The following PLXNA3 variants were observed in gnomAD, a reference collection of about 807,000 sequenced individuals.
PLXNA3 encodes the protein plexin A3.
PLXNA3 carries 52 observed loss-of-function variants against 118.8 expected under a neutral mutation model. That is an observed-to-expected ratio of 0.44 (90% CI 0.35 to 0.55). PLXNA3 has a LOEUF of 0.55. PLXNA3 is among the 20% of genes least tolerant of loss of function. The pLI is 0.01. For synonymous variants in PLXNA3, 925 were observed against 762.4 expected, an observed-to-expected ratio of 1.21 and a Z score of -3.51; for missense variants, 1,660 against 1,730.8, an observed-to-expected ratio of 0.96 and a Z score of 0.73.
In PLXNA3 at chrX:154,465,750, A is replaced by G; in HGVS notation, c.2435A>G (p.His812Arg). Residue 812 changes from histidine (H) to arginine (R), a missense_variant, in exon 13 of 33, where the codon CAC becomes CGC. This residue lies in a region of PLXNA3 where 869 missense variants were observed against 1,078.7 expected (regional missense o/e 0.81). Transcript: ENST00000369682. ...RFNCGWCISE[H>R]RCQLRTHCPA... ...AACTGTGGCTGGTGCATCTCAGAGC[A>G]CAGGTGCCAGCTGCGGACCCACTGC... is the stretch of plus-strand genomic sequence containing the variant. The G allele has an allele frequency of 8.3e-7, 1 of 1,210,304 alleles. No individual in the cohort carries two copies. The highest frequency in any genetic ancestry group is 1.1e-6 in the Non-Finnish European group (1 of 894,996).
chrX:154,472,296 G>A (rs1005876757), intron 32 of PLXNA3, among the ~76,000 whole-genome samples: 4 of 111,009 alleles, frequency 3.6e-5, no homozygotes, highest in East Asian at 5.6e-4. Context: ...GTCCTGGCGC[G>A]AGGGAGGCTT....
At position 154,466,041 on chromosome X, in the gene PLXNA3, G is replaced by A. The variant is rs782688882; in HGVS notation, c.2639G>A (p.Arg880His). The A allele has an allele frequency of 2.0e-5, 24 of 1,210,075 alleles. No individual in the cohort carries two copies. Among genetic ancestry groups the A allele is most frequent in the South Asian group, 5.3e-5 (3 of 56,750 alleles). The change falls in exon 14 of 33, where the codon CGT becomes CAT. Residue 880 changes from arginine to histidine, a missense_variant. This residue lies in a region of PLXNA3 where 869 missense variants were observed against 1,078.7 expected (regional missense o/e 0.81). Transcript: ENST00000369682. ...GTGGGCCTGCGGGTGGCTGGCGTGC[G>A]TTGCAACTCCATTCCGGCCGAGTAC... ...REVGLRVAGV[R>H]CNSIPAEYIS...
rs113493627 is a variant in PLXNA3 at position 154,463,703 on chromosome X, A to T, written c.1547+13A>T. On this transcript the variant is annotated intron_variant, in intron 6 of 32. Transcript: ENST00000369682. ...TGCTGCGACACAGGTGAGGGCGGGG[A>T]CCCCTGCTCGGGGAGTTGGAGGGCC... 1 of 1,183,662 alleles carries T rather than the reference A, an allele frequency of 8.4e-7. No individual in the cohort carries two copies. The highest frequency in any genetic ancestry group is 2.3e-5 in the Admixed American group (1 of 44,203).
At chrX:154,458,593 C>A (rs1557202524) in intron 1 of PLXNA3, among the ~76,000 whole-genome samples, 165 bp downstream of exon 1, 1 of 112,763 alleles carries the variant, frequency 8.9e-6, no homozygotes, top group Admixed American at 9.2e-5. Flanking sequence ...GGACGCCAAC[C>A]CAAGACCAAC....
rs1290499978 is a variant in PLXNA3, at chrX:154,464,292, C to G, written c.1807C>G (p.Arg603Gly). The change falls in exon 8 of 33, where the codon CGA becomes GGA. Residue 603 changes from arginine (R) to glycine (G), a missense_variant. Physicochemically the swap from Arg to Gly is moderately radical, Grantham distance 125 (BLOSUM62 -2). Transcript: ENST00000369682. ...CCCCTCACCCTCCCTCCAGGAGCTC[C>G]GAGCTCTTACCAGGGGGCATGGTCA... ...LCPSPSLQELRALTRGHGATR... is the reference protein window; with the variant it reads ...LCPSPSLQELGALTRGHGATR... 3.3e-6 allele frequency: 4 copies of G among 1,206,615 alleles called. No homozygotes were observed. The highest frequency in any genetic ancestry group is 3.4e-6 in the Non-Finnish European group (3 of 894,427).
At position 154,470,119 on chromosome X, in the gene PLXNA3, C is replaced by T. The variant is rs368800066; in HGVS notation, c.4938C>T (p.Gly1646=). The change falls in exon 29 of 33, where the codon GGC becomes GGT. Residue 1646 remains glycine, a synonymous_variant. Coordinates refer to ENST00000369682, the MANE Select transcript of PLXNA3 (RefSeq NM_017514.5). ...DHADHREGDR[G]SKMVSEIYLT... ...CCGACCATCGCGAGGGGGACCGTGG[C>T]AGCAAGATGGTCTCCGAGATCTACC... is the stretch of plus-strand genomic sequence containing the variant. 3 of 1,208,329 alleles carry T rather than the reference C, an allele frequency of 2.5e-6. No homozygotes were observed. Among genetic ancestry groups the T allele is most frequent in the Non-Finnish European group, 3.4e-6 (3 of 894,427 alleles).
chrX:154,460,949 G>C (rs1329609115), intron 2 of PLXNA3, 150 bp from the exon 3 acceptor site: 2 of 621,368 alleles, frequency 3.2e-6, no homozygotes, highest in Non-Finnish European at 4.9e-6. Flanking sequence ...CCTGTGTGCA[G>C]GGAGGCTGGT....
In PLXNA3 at chrX:154,464,068, G is replaced by C; in HGVS notation, c.1665G>C (p.Gly555=). ...ACAATGTGTCAGTGACGTCACCTGG[G>C]GTGCAGGTGAGCAGCTTGGGGGTGC... The part of the protein sequence containing the change: ...RPNNVSVTSP[G]VQLTVTLHNV... Residue 555 remains glycine (G), a synonymous_variant, in exon 7 of 33, where the codon GGG becomes GGC. Coordinates refer to ENST00000369682, the MANE Select transcript of PLXNA3 (RefSeq NM_017514.5). 9.1e-6 allele frequency: 11 copies of C among 1,210,868 alleles called. No individual in the cohort carries two copies. The highest frequency in any genetic ancestry group is 1.2e-5 in the Non-Finnish European group (11 of 894,951).
intron 32 of PLXNA3, 43 bp from the exon 33 acceptor site, chrX:154,472,547 C>T (rs1557209786): frequency 4.4e-6 from 4 of 915,634 alleles, no homozygotes; most frequent in Non-Finnish European, 6.4e-6. Context: ...GCAGGAGCTG[C>T]GCCCCCTACA....
Position 154,473,026 on chromosome X carries a change from T to C in PLXNA3, c.*341T>C. 5.9e-6 allele frequency: 1 copy of C among 169,654 alleles called. No homozygotes were observed. Among genetic ancestry groups the C allele is most frequent in the Non-Finnish European group, 1.2e-5 (1 of 86,757 alleles). The allele number at this position is 169,654 out of a possible 1,213,427, so 14.0% of individuals were successfully genotyped here. ...CGAACTTCGCCTCTGTCTCCATCTGTAAATATGTGTCCCCCCACCGGATGT... is the reference window on the plus strand; with the variant it reads ...CGAACTTCGCCTCTGTCTCCATCTGCAAATATGTGTCCCCCCACCGGATGT... On this transcript the variant is annotated 3_prime_UTR_variant, in exon 33 of 33. Coordinates refer to ENST00000369682, the MANE Select transcript of PLXNA3 (RefSeq NM_017514.5).
At position 154,468,167 on chromosome X, in the gene PLXNA3, C is replaced by G; in HGVS notation, c.3906C>G (p.Tyr1302Ter). The change falls in exon 22 of 33, where the codon TAC (tyrosine) becomes TAG (stop). Residue 1302 changes from tyrosine to a stop codon, truncating the protein, a stop_gained. Transcript: ENST00000369682. LOFTEE classifies it high-confidence loss of function. ...TCCCCTTCCTGGACTACCGGACTTA[C>G]GCCGTGCGCGTGCTCTTCCCGGGCA... The part of the protein sequence containing the change: ...VQIPFLDYRT[Y>*]AVRVLFPGIE... 1 of 1,189,024 alleles carries G rather than the reference C, an allele frequency of 8.4e-7. No individual in the cohort carries two copies. The highest frequency in any genetic ancestry group is 1.1e-6 in the Non-Finnish European group (1 of 883,122).
rs781800412 is a variant in PLXNA3, at chrX:154,467,813, C to T, written c.3632C>T (p.Ser1211Leu). The T allele has an allele frequency of 6.6e-6, 8 of 1,203,765 alleles. No individual in the cohort carries two copies. The East Asian group carries it at 2.4e-4, about 36-fold the overall frequency. Residue 1211 changes from serine (S) to leucine (L), a missense_variant, in exon 21 of 33, where the codon TCG becomes TTG. By Grantham distance (145) the Ser-to-Leu change is moderately radical. Transcript: ENST00000369682. ...TTCTGGCTGGGCACCCTGCACATCT[C>T]GGCAGAGCGGGCGCTGACCCTACCG... Reference protein sequence around the residue: ...LEFWLGTLHISAERALTLPAM... With the variant: ...LEFWLGTLHILAERALTLPAM...
rs1557204880 is a variant in PLXNA3, at chrX:154,462,110, C to A, written c.1135-18C>A. 1.7e-6 allele frequency: 2 copies of A among 1,163,969 alleles called. No individual in the cohort carries two copies. Among genetic ancestry groups the A allele is most frequent in the South Asian group, 1.9e-5 (1 of 52,010 alleles). On this transcript the variant is annotated intron_variant, in intron 3 of 32. Coordinates refer to ENST00000369682, the MANE Select transcript of PLXNA3 (RefSeq NM_017514.5). ...CTGGGAGCTTTGACTCTCACGGGTT[C>A]CTCCTCTGTTTCACCAGCCCATGCA...
At position 154,464,763 on chromosome X, in the gene PLXNA3, CTGTGTTGGCAGCCCT is replaced by C; in HGVS notation, c.1940_1954del (p.Cys647_Pro651del). On this transcript the variant is annotated inframe_deletion, in exon 10 of 33. Transcript: ENST00000369682. The stretch of plus-strand genomic sequence containing the variant: ...GCCACTTCCCCCCCAGGTGCATGTC[CTGTGTTGGCAGCCCT>C]TACCCCTGCCACTGGTGTAAGTACC... 1 of 1,179,843 alleles carries C rather than the reference CTGTGTTGGCAGCCCT, an allele frequency of 8.5e-7. No homozygotes were observed. The highest frequency in any genetic ancestry group is 1.1e-6 in the Non-Finnish European group (1 of 875,743).
chrX:154,462,148 C>G lies in PLXNA3; in HGVS notation c.1155C>G (p.Asn385Lys). ...ACCAGCCCATGCAGATCAACGGCAA[C>G]TTCTGTGGGCTGGTGTTGAACCAGC... Reference protein sequence around the residue: ...CINTPMQINGNFCGLVLNQPL... With the variant: ...CINTPMQINGKFCGLVLNQPL... The change falls in exon 4 of 33, where the codon AAC (asparagine) becomes AAG (lysine). Residue 385 changes from asparagine (N) to lysine (K), a missense_variant. By Grantham distance (94) the Asn-to-Lys change is moderately conservative (BLOSUM62 0). This residue lies in a region of PLXNA3 where 791 missense variants were observed against 652.1 expected (regional missense o/e 1.21). Transcript: ENST00000369682. 1 of 1,196,276 alleles carries G rather than the reference C, an allele frequency of 8.4e-7. No individual in the cohort carries two copies. Among genetic ancestry groups the G allele is most frequent in the Middle Eastern group, 2.3e-4 (1 of 4,265 alleles).
Position 154,467,322 on chromosome X carries a change from C to T in PLXNA3, c.3292C>T (p.Pro1098Ser). ...CCAGCCTCGGGCGCAAGGCGAGCAC[C>T]CTGATGAGTTTGGCTTCCTGCTGGA... ...RPQPRAQGEH[P>S]DEFGFLLDHV... The change falls in exon 19 of 33, where the codon CCT becomes TCT. Residue 1098 changes from proline to serine, a missense_variant. Physicochemically the swap from Pro to Ser is moderately conservative, Grantham distance 74 (BLOSUM62 -1). Around this residue, in one of 2 missense-constraint regions of PLXNA3, gnomAD observed 869 missense variants for 1,078.7 expected, o/e 0.81. Transcript: ENST00000369682. The T allele has an allele frequency of 1.7e-6, 2 of 1,207,347 alleles. No individual in the cohort carries two copies. The highest frequency in any genetic ancestry group is 1.1e-6 in the Non-Finnish European group (1 of 895,493).
intron 5 of PLXNA3, 30 bp from the exon 6 acceptor site, chrX:154,463,560 T>TGGGGGGGGGGGGGGGGGGGGGGGG (rs2148248180): frequency 6.3e-6 from 4 of 630,261 alleles, no homozygotes; most frequent in Non-Finnish European, 9.0e-6. Flanking sequence ...GGGGCGGGGG[T>TGGGGGGGGGGGGGGGGGGGGGGGG]GGGCTGGGTG....
chrX:154,469,856 A>G, intron 28 of PLXNA3, 72 bp downstream of exon 28: 1 of 1,122,560 alleles, frequency 8.9e-7, no homozygotes, highest in Non-Finnish European at 1.2e-6. Flanking sequence ...TCGATTCTGT[A>G]GAGTGTAGAC....
In PLXNA3 at chrX:154,464,227, A is replaced by C. The variant is rs782257060; in HGVS notation, c.1742A>C (p.Glu581Ala). The C allele has an allele frequency of 4.4e-5, 53 of 1,207,219 alleles. No homozygotes were observed. The highest frequency in any genetic ancestry group is 5.8e-5 in the Non-Finnish European group (52 of 894,356). Residue 581 changes from glutamate (E) to alanine (A), a missense_variant, in exon 8 of 33, where the codon GAG (glutamate) becomes GCG (alanine). Physicochemically the swap from Glu to Ala is moderately radical, Grantham distance 107 (BLOSUM62 -1). Coordinates refer to ENST00000369682, the MANE Select transcript of PLXNA3 (RefSeq NM_017514.5). ...AGCTGCGCCTTCGAGGCGGCGGCGGAGAACGAGGCGGTCCTGCTGCCCTCC... is the reference window on the plus strand; with the variant it reads ...AGCTGCGCCTTCGAGGCGGCGGCGGCGAACGAGGCGGTCCTGCTGCCCTCC... ...GVSCAFEAAA[E>A]NEAVLLPSGE...
Sources: gnomAD v4.1 joint callset for allele counts (sites outside exome capture counted in the v4.1 genomes callset) on GRCh38, gnomAD v4.1.1 for gene constraint, gnomAD v4.1.1 regional missense constraint, MANE v1.5 for transcripts, NCBI Gene and HGNC (gene_info 2026-07-23, HGNC 2026-07-21) for gene names.